Variants in ATG4C observed in about 807,000 individuals in gnomAD.
ATG4C encodes the protein cysteine protease ATG4C.
In ATG4C, 56 loss-of-function variants were observed where a neutral mutation model predicts 57.6. The ratio of observed to expected loss-of-function variants is 0.97; its 90% CI spans 0.78 to 1.21. ATG4C has a LOEUF of 1.21. ATG4C is among the 50% of genes most tolerant of loss of function. The pLI, the probability that ATG4C is intolerant of heterozygous loss-of-function variation, is 0.00. For synonymous variants in ATG4C, 157 were observed against 174.1 expected, an observed-to-expected ratio of 0.90 and a Z score of 0.78; for missense variants, 595 against 529.8, an observed-to-expected ratio of 1.12 and a Z score of -1.21.
At chr1:62,841,395 T>C in intron 9 of ATG4C, 33 bp from the exon 10 acceptor site, 1 of 1,554,476 alleles carries the variant, frequency 6.4e-7, no homozygotes, top group Admixed American at 1.9e-5. Flanking sequence ...CTATCAAAGA[T>C]AAATTAATCC....
At chr1:62,794,086 C>T (rs1294805964) in intron 1 of ATG4C, among the ~76,000 whole-genome samples, 1 of 152,196 alleles carries the variant, frequency 6.6e-6, no homozygotes. Context: ...AGGCTTAAGG[C>T]TATCTTAAAA....
intron 3 of ATG4C, among the ~76,000 whole-genome samples, chr1:62,810,881 T>A (rs1321979908): frequency 6.6e-6 from 1 of 152,216 alleles, no homozygotes; most frequent in Non-Finnish European, 1.5e-5. Flanking sequence ...ATATTTGAAA[T>A]CTATTTCTAA....
chr1:62,832,666 C>T (rs115704912), intron 7 of ATG4C, among the ~76,000 whole-genome samples: 147 of 152,256 alleles, frequency 9.7e-4, no homozygotes, highest in African/African-American at 2.9e-3. Flanking sequence ...CAGCTTTCAA[C>T]ACTACATTGG....
At chr1:62,841,620 C>A (rs1666170700) in intron 10 of ATG4C, 73 bp downstream of exon 10, 2 of 1,233,820 alleles carry the variant, frequency 1.6e-6, no homozygotes, top group Non-Finnish European at 1.1e-6. Flanking sequence ...AAAGCAAAAA[C>A]CTGTAAATTA....
chr1:62,800,471 A>C (rs148009416), intron 1 of ATG4C, among the ~76,000 whole-genome samples: 23 of 152,168 alleles, frequency 1.5e-4, no homozygotes, highest in Non-Finnish European at 2.4e-4. Flanking sequence ...CATATGACAC[A>C]TAAGTTTCAG....
At chr1:62,826,535 C>T (rs1367967825) in intron 6 of ATG4C, among the ~76,000 whole-genome samples, 4 of 151,986 alleles carry the variant, frequency 2.6e-5, no homozygotes, top group Non-Finnish European at 4.4e-5. Flanking sequence ...CACGCCCGGC[C>T]GACCATTCCC....
intron 3 of ATG4C, among the ~76,000 whole-genome samples, chr1:62,812,819 T>C (rs6702851): frequency 0.027 from 4,122 of 152,134 alleles, 191 homozygotes; most frequent in African/African-American, 0.094. Context: ...CATTCCTATA[T>C]ACCAGTGATA....
At chr1:62,796,835 C>T (rs750757000) in intron 1 of ATG4C, among the ~76,000 whole-genome samples, 22 of 152,134 alleles carry the variant, frequency 1.4e-4, no homozygotes, top group South Asian at 4.1e-4. Flanking sequence ...GGGCTGGGCG[C>T]GGTGGCTCAC....
intron 5 of ATG4C, among the ~76,000 whole-genome samples, chr1:62,820,521 C>T (rs1298384898): frequency 6.6e-6 from 1 of 152,008 alleles, no homozygotes; most frequent in African/African-American, 2.4e-5. Flanking sequence ...ATTACATTTC[C>T]ACAATTTGCA....
chr1:62,838,780 C>CAAAAAAAAAAAAAAAAAAATAAAAAAA (rs370604319), intron 9 of ATG4C, among the ~76,000 whole-genome samples: 1 of 84,158 alleles, frequency 1.2e-5, no homozygotes, highest in Admixed American at 1.3e-4. Flanking sequence ...AACTTCATCT[C>CAAAAAAAAAAAAAAAAAAATAAAAAAA]AAAAAAAAAA....
At chr1:62,797,573 CCTTTTT>C (rs1179106338) in intron 1 of ATG4C, among the ~76,000 whole-genome samples, 1 of 151,810 alleles carries the variant, frequency 6.6e-6, no homozygotes, top group African/African-American at 2.4e-5. Flanking sequence ...ATGTTTATGG[CCTTTTT>C]CTTTTTCCAA....
intron 6 of ATG4C, among the ~76,000 whole-genome samples, chr1:62,827,801 C>G (rs1665713620): frequency 1.0e-5 from 1 of 99,230 alleles, no homozygotes; most frequent in South Asian, 3.6e-4. Flanking sequence ...CTGCTCCTCT[C>G]TCTCCTCCAC....
intron 1 of ATG4C, among the ~76,000 whole-genome samples, chr1:62,793,712 G>A (rs1664370346): frequency 6.6e-6 from 1 of 150,944 alleles, no homozygotes; most frequent in African/African-American, 2.4e-5. Context: ...TTCTCTTTCA[G>A]TCCTGAGATT....
intron 10 of ATG4C, among the ~76,000 whole-genome samples, chr1:62,843,738 A>G (rs1666242122): frequency 6.6e-6 from 1 of 152,204 alleles, no homozygotes; most frequent in Non-Finnish European, 1.5e-5. Context: ...CATAACTATC[A>G]TATACAGAGC....
chr1:62,841,052 C>A (rs1301370362), intron 9 of ATG4C, among the ~76,000 whole-genome samples: 1 of 152,124 alleles, frequency 6.6e-6, no homozygotes, highest in Admixed American at 6.6e-5. Flanking sequence ...CCAAAATCTC[C>A]AACAAAACAG....
intron 10 of ATG4C, among the ~76,000 whole-genome samples, chr1:62,859,247 A>C (rs1666774096): frequency 6.6e-6 from 1 of 152,190 alleles, no homozygotes; most frequent in Non-Finnish European, 1.5e-5. Context: ...CAGTAAGTAT[A>C]TATAATGCAA....
At chr1:62,793,697 A>G (rs1664369647) in intron 1 of ATG4C, among the ~76,000 whole-genome samples, 1 of 151,840 alleles carries the variant, frequency 6.6e-6, no homozygotes, top group African/African-American at 2.4e-5. Context: ...TAGATGCTTT[A>G]TAAATTCTCT....
In ATG4C at chr1:62,834,066, G is replaced by T. The variant is rs1445209449; in HGVS notation, c.962G>T (p.Gly321Val). ...KGILSLEYCVGIIGGKPKQSY... is the reference protein window; with the variant it reads ...KGILSLEYCVVIIGGKPKQSY... ...ATTTTAAGCCTGGAATATTGTGTGG[G>T]TATTATTGGTGGCAAACCTAAACAG... Residue 321 changes from glycine (G) to valine (V), a missense_variant, in exon 8 of 11, where the codon GGT becomes GTT. Coordinates refer to ENST00000317868, the MANE Select transcript of ATG4C (RefSeq NM_032852.4). 2 of 1,612,514 alleles carry T rather than the reference G, an allele frequency of 1.2e-6. No homozygotes were observed. The highest frequency in any genetic ancestry group is 2.7e-5 in the African/African-American group (2 of 74,950).
chr1:62,853,059 G>C (rs1027750768), intron 10 of ATG4C, among the ~76,000 whole-genome samples: 3 of 152,066 alleles, frequency 2.0e-5, no homozygotes, highest in African/African-American at 7.2e-5. Flanking sequence ...TTGAATTCCT[G>C]CATGTCGACC....
Sources: allele counts gnomAD v4.1 joint callset (sites outside exome capture counted in the v4.1 genomes callset), GRCh38; gene constraint gnomAD v4.1.1; transcripts MANE v1.5; gene names NCBI Gene and HGNC (gene_info 2026-07-23, HGNC 2026-07-21).